FLT3: variants seen among roughly 807,000 people sequenced by gnomAD.
FLT3 encodes receptor-type tyrosine-protein kinase FLT3.
A neutral mutation model predicts 126.6 loss-of-function variants in FLT3; 46 were observed. That is an observed-to-expected ratio of 0.36 (90% CI 0.29 to 0.46). FLT3 has a LOEUF of 0.46. Ranked by LOEUF, FLT3 falls within the 20% of genes least tolerant of loss-of-function variation. The pLI is 1.00. For synonymous variants in FLT3, 404 were observed against 434.4 expected, an observed-to-expected ratio of 0.93 and a Z score of 0.87; for missense variants, 1,069 against 1,190.3, an observed-to-expected ratio of 0.90 and a Z score of 1.50.
chr13:28,059,318 A>T (rs1876325521), intron 3 of FLT3, among the ~76,000 whole-genome samples: 1 of 152,164 alleles, frequency 6.6e-6, no homozygotes, highest in Non-Finnish European at 1.5e-5. Flanking sequence ...CACCTAAGGG[A>T]CAACAGGACA....
At chr13:28,087,432 T>C (rs990584242) in intron 1 of FLT3, among the ~76,000 whole-genome samples, 6 of 152,222 alleles carry the variant, frequency 3.9e-5, no homozygotes, top group Admixed American at 2.6e-4. Context: ...TATCTTTTTT[T>C]CTCTGGATGC....
intron 17 of FLT3, 82 bp downstream of exon 17, chr13:28,027,005 CT>C: frequency 1.7e-6 from 2 of 1,208,540 alleles, no homozygotes; most frequent in Non-Finnish European, 2.4e-6. Context: ...CCTTTAGAAA[CT>C]GGTCAACGAA....
chr13:28,036,944 C>A (rs915909802), intron 10 of FLT3, among the ~76,000 whole-genome samples: 2 of 151,976 alleles, frequency 1.3e-5, no homozygotes, highest in Non-Finnish European at 2.9e-5. Context: ...CCATGGCACC[C>A]CAGCCTGCGT....
intron 1 of FLT3, among the ~76,000 whole-genome samples, chr13:28,087,708 G>A (rs913273277): frequency 2.0e-5 from 3 of 151,964 alleles, no homozygotes; most frequent in East Asian, 1.9e-4. Flanking sequence ...CTCTGTTTAC[G>A]TTATTTGGTC....
chr13:28,039,230 C>G (rs1319804252), intron 9 of FLT3, among the ~76,000 whole-genome samples: 1 of 152,180 alleles, frequency 6.6e-6, no homozygotes, highest in Non-Finnish European at 1.5e-5. Context: ...GATATGGAGT[C>G]TCACTCTGTC....
chr13:28,078,715 CTTT>C (rs757678538), intron 1 of FLT3, among the ~76,000 whole-genome samples: 5 of 60,496 alleles, frequency 8.3e-5, no homozygotes, highest in Non-Finnish European at 1.4e-4. Context: ...TTTTTCTTTT[CTTT>C]TTTTTTTTTT....
At chr13:28,013,287 T>C (rs1375043821) in intron 23 of FLT3, among the ~76,000 whole-genome samples, 5 of 152,186 alleles carry the variant, frequency 3.3e-5, no homozygotes, top group Non-Finnish European at 7.3e-5. Context: ...AAAAATCAGA[T>C]TTATATTTAA....
At chr13:28,097,405 T>A (rs1051639821) in intron 1 of FLT3, among the ~76,000 whole-genome samples, 8 of 152,176 alleles carry the variant, frequency 5.3e-5, no homozygotes, top group African/African-American at 1.7e-4. Flanking sequence ...ATTTAATATC[T>A]CATTGCCTGA....
intron 1 of FLT3, among the ~76,000 whole-genome samples, chr13:28,092,892 C>T (rs1879209869): frequency 6.7e-6 from 1 of 150,238 alleles, no homozygotes; most frequent in Non-Finnish European, 1.5e-5. Context: ...ATAACAACCC[C>T]CCTGAAATCC....
chr13:28,078,722 T>TTC (rs1878124073), intron 1 of FLT3, among the ~76,000 whole-genome samples: 1 of 151,702 alleles, frequency 6.6e-6, no homozygotes, highest in Non-Finnish European at 1.5e-5. Flanking sequence ...TTTCTTTTTT[T>TTC]TTTTTTTTTG....
chr13:28,021,583 T>C (rs929482482), intron 19 of FLT3, among the ~76,000 whole-genome samples: 4 of 152,130 alleles, frequency 2.6e-5, no homozygotes, highest in African/African-American at 9.7e-5. Context: ...ACTTGTATTA[T>C]TATTGCTTTT....
chr13:28,069,436 G>A (rs960628839), intron 2 of FLT3, among the ~76,000 whole-genome samples: 1 of 152,130 alleles, frequency 6.6e-6, no homozygotes, highest in Admixed American at 6.6e-5. Flanking sequence ...ATAAGAGCAG[G>A]CTTGGGGAAA....
rs113710480 is a variant in FLT3 at position 28,089,730 on chromosome 13, T to G, written c.43+10738A>C. On this transcript the variant is annotated intron_variant, in intron 1 of 23. Coordinates refer to ENST00000241453, the MANE Select transcript of FLT3 (RefSeq NM_004119.3). ...GATCAGGGTTGACTACAGAAGGGCA[T>G]GAGGGAACTTTTTTTTTTTTTTGAG... is the stretch of plus-strand genomic sequence containing the variant. 2.3e-4 allele frequency among the ~76,000 whole-genome samples: 33 copies of G among 142,236 alleles called. 2 individuals are homozygous for G. Among genetic ancestry groups the G allele is most frequent in the Admixed American group, 7.2e-5 (1 of 13,946 alleles). 93.3% of individuals were successfully genotyped at this position (142,236 alleles called of 152,430 possible). A position where few individuals can be genotyped will look rare whatever the true frequency, so the allele number is the denominator to read the frequency against.
At chr13:28,012,859 C>G (rs535252244) in intron 23 of FLT3, among the ~76,000 whole-genome samples, 1 of 151,972 alleles carries the variant, frequency 6.6e-6, no homozygotes, top group Non-Finnish European at 1.5e-5. Flanking sequence ...ATTGCTTGAG[C>G]TCACAGTGTG....
intron 2 of FLT3, among the ~76,000 whole-genome samples, chr13:28,064,947 G>A (rs1270519284): frequency 6.6e-6 from 1 of 152,146 alleles, no homozygotes; most frequent in Non-Finnish European, 1.5e-5. Context: ...ACATAGATGA[G>A]TGGTTGAACA....
chr13:28,091,299 G>A (rs545294149), intron 1 of FLT3, among the ~76,000 whole-genome samples: 3 of 124,564 alleles, frequency 2.4e-5, no homozygotes, highest in African/African-American at 6.1e-5. Flanking sequence ...TCGGCTCACT[G>A]CAAGCTCCGC....
At chr13:28,082,012 T>C (rs764137756) in intron 1 of FLT3, among the ~76,000 whole-genome samples, 13 of 151,646 alleles carry the variant, frequency 8.6e-5, no homozygotes, top group Non-Finnish European at 1.3e-4. Context: ...CCCACCATCA[T>C]GCCCGGCTAA....
intron 1 of FLT3, among the ~76,000 whole-genome samples, chr13:28,090,049 AC>A (rs1283192774): frequency 1.3e-5 from 2 of 150,620 alleles, no homozygotes; most frequent in Admixed American, 1.3e-4. Flanking sequence ...CCGTGAGGGA[AC>A]TTTTTTTTTA....
chr13:28,037,380 A>C (rs1873929754), intron 9 of FLT3, 92 bp from the exon 10 acceptor site: 1 of 772,160 alleles, frequency 1.3e-6, no homozygotes, highest in Non-Finnish European at 2.3e-6. Flanking sequence ...GTCTTCCTTG[A>C]AATGCTCCTC....
Sources: allele counts gnomAD v4.1 joint callset (sites outside exome capture counted in the v4.1 genomes callset), GRCh38; gene constraint gnomAD v4.1.1; transcripts MANE v1.5; gene names NCBI Gene and HGNC (gene_info 2026-07-23, HGNC 2026-07-21).